TRARG1: variants seen among roughly 807,000 people sequenced by gnomAD.
TRARG1 encodes trafficking regulator of GLUT4 1.
Under a neutral mutation model 13.3 loss-of-function variants are expected in TRARG1, and 16 were observed. That is an observed-to-expected ratio of 1.20 (90% CI 0.81 to 1.83). The LOEUF (loss-of-function observed/expected upper bound fraction) is 1.83. Among genes scored for constraint, TRARG1 ranks in the 40% most tolerant of loss-of-function variants. The pLI is 0.00. For missense variants in TRARG1, 250 were observed against 237.4 expected (o/e 1.05, Z -0.35); for synonymous variants, 113 against 106.2 (o/e 1.06, Z -0.39).
At chr17:1,286,511 T>A (rs2072023966) in intron 1 of TRARG1, among the ~76,000 whole-genome samples, 2 of 141,360 alleles carry the variant, frequency 1.4e-5, no homozygotes, top group Admixed American at 7.1e-5. Context: ...GCCTGTGGGG[T>A]GTTATCGGCC....
Position 1,280,177 on chromosome 17 carries a change from G to C in TRARG1, c.176G>C (p.Gly59Ala). 6.2e-7 allele frequency: 1 copy of C among 1,614,024 alleles called. No individual in the cohort carries two copies. The highest frequency in any genetic ancestry group is 8.5e-7 in the Non-Finnish European group (1 of 1,179,984). ...GPLDLEQNSQ[G>A]LPFKAISEGH... is the part of the protein sequence containing the mutation. ...CTGGATCTGGAGCAGAACAGCCAGG[G>C]CCTACCCTTCAAGGCCATCTCCGAG... The change falls in exon 1 of 3, where the codon GGC becomes GCC. Residue 59 changes from glycine (G) to alanine (A), a missense_variant. Coordinates refer to ENST00000333813, the MANE Select transcript of TRARG1 (RefSeq NM_172367.3).
At chr17:1,290,083 CT>C (rs571271845) in intron 1 of TRARG1, among the ~76,000 whole-genome samples, 57 of 152,356 alleles carry the variant, frequency 3.7e-4, no homozygotes, top group African/African-American at 1.3e-3. Context: ...TGGATTCTAT[CT>C]TCAGAACTTC....
At chr17:1,288,443 CCATCCCCCACGGGTTCCT>C (rs1278563146) in intron 1 of TRARG1, among the ~76,000 whole-genome samples, 3 of 115,030 alleles carry the variant, frequency 2.6e-5, no homozygotes, top group East Asian at 3.1e-4. Flanking sequence ...ACTGGGTTCC[CCATCCCCCACGGGTTCCT>C]CATCCCCCAC....
rs190057033 is a variant in TRARG1, at chr17:1,284,705, G to A, written c.387+4317G>A. Among the ~76,000 whole-genome samples the A allele has an allele frequency of 8.2e-3, 1,220 of 147,902 alleles. 5 individuals are homozygous for A. The highest frequency in any genetic ancestry group is 0.06 in the Middle Eastern group (17 of 284). On this transcript the variant is annotated intron_variant, in intron 1 of 2. Coordinates refer to ENST00000333813, the MANE Select transcript of TRARG1 (RefSeq NM_172367.3). The stretch of plus-strand genomic sequence containing the variant: ...TATTTATTTATTTATTTTTGAGATG[G>A]AGTCTTGCTCTGTCGCCCAGGCTGG...
At position 1,300,495 on chromosome 17, in the gene TRARG1, A is replaced by T. The variant is rs1384465292; in HGVS notation, c.*2231A>T. On this transcript the variant is annotated 3_prime_UTR_variant, in exon 3 of 3. Transcript: ENST00000333813. ...ACACGCTTGTTCACACTCAGAACCC[A>T]GGACAGCCACAGCCACCGCTTAGGG... is the stretch of plus-strand genomic sequence containing the variant. 1 of 152,832 alleles carries T rather than the reference A, an allele frequency of 6.5e-6. No homozygotes were observed. Among genetic ancestry groups the T allele is most frequent in the Non-Finnish European group, 1.5e-5 (1 of 68,666 alleles). 9.5% of individuals were successfully genotyped at this position (152,832 alleles called of 1,614,324 possible).
In TRARG1 at chr17:1,300,593, TGA is replaced by T. The variant is rs1373594921; in HGVS notation, c.*2333_*2334del. On this transcript the variant is annotated 3_prime_UTR_variant, in exon 3 of 3. Transcript: ENST00000333813. ...CTCTTCCAGGCAGGCGAGGATAACTTGAGAGTTTCCTAGGGCACCAGGGACAG... is the reference window on the plus strand; with the variant it reads ...CTCTTCCAGGCAGGCGAGGATAACTTGAGTTTCCTAGGGCACCAGGGACAG... 1.3e-5 allele frequency: 2 copies of T among 152,588 alleles called. No homozygotes were observed. The highest frequency in any genetic ancestry group is 3.8e-4 in the East Asian group (2 of 5,208). The allele number at this position is 152,588 out of a possible 1,614,324, so 9.5% of individuals were successfully genotyped here. A position where few individuals can be genotyped will look rare whatever the true frequency, so the allele number is the denominator to read the frequency against.
intron 1 of TRARG1, among the ~76,000 whole-genome samples, chr17:1,290,551 C>T (rs1481495510): frequency 2.6e-5 from 4 of 152,152 alleles, no homozygotes; most frequent in Admixed American, 1.3e-4. Flanking sequence ...CCACCTTGGC[C>T]TCCCAAAGTG....
At chr17:1,285,813 G>C (rs1336133107) in intron 1 of TRARG1, among the ~76,000 whole-genome samples, 10 of 152,022 alleles carry the variant, frequency 6.6e-5, no homozygotes, top group African/African-American at 1.7e-4. Context: ...TAACATCTAG[G>C]GGGAGGGCCG....
rs944845231 is a variant in TRARG1, at chr17:1,298,425, G to GC, written c.*166dup. The GC allele has an allele frequency of 4.2e-6, 3 of 706,052 alleles. No individual in the cohort carries two copies. The highest frequency in any genetic ancestry group is 1.8e-5 in the African/African-American group (1 of 55,610). 43.7% of individuals were successfully genotyped at this position (706,052 alleles called of 1,614,324 possible). On this transcript the variant is annotated 3_prime_UTR_variant, in exon 3 of 3. Coordinates refer to ENST00000333813, the MANE Select transcript of TRARG1 (RefSeq NM_172367.3). ...GAAACCCCCCAGTCACCCACTGTCA[G>GC]CCCCCATCTGACAAGAAAGCCTGGA...
At chr17:1,289,550 G>A (rs995326467) in intron 1 of TRARG1, among the ~76,000 whole-genome samples, 2 of 150,212 alleles carry the variant, frequency 1.3e-5, no homozygotes, top group East Asian at 2.0e-4. Flanking sequence ...TGCCGGACAC[G>A]GCACTGTCAG....
intron 1 of TRARG1, among the ~76,000 whole-genome samples, chr17:1,294,463 A>G (rs2072096076): frequency 3.1e-5 from 3 of 95,602 alleles, no homozygotes; most frequent in African/African-American, 4.5e-5. Flanking sequence ...CTGTGAAGAC[A>G]GTGTCTTTTT....
intron 1 of TRARG1, among the ~76,000 whole-genome samples, chr17:1,288,170 C>T (rs1267759473): frequency 6.6e-6 from 1 of 151,946 alleles, no homozygotes; most frequent in Admixed American, 6.5e-5. Context: ...CTGCCATCAC[C>T]TATTCGCTTC....
intron 2 of TRARG1, 130 bp from the exon 3 acceptor site, chr17:1,298,121 C>A (rs1304390866): frequency 3.6e-6 from 4 of 1,095,910 alleles, no homozygotes; most frequent in Non-Finnish European, 5.3e-6. Context: ...GGTTCCCAAG[C>A]CTTAGCCTTC....
In TRARG1 at chr17:1,282,243, CACGTATATGT is replaced by C. The variant is rs201317242; in HGVS notation, c.387+1868_387+1877del. 6.9e-3 allele frequency among the ~76,000 whole-genome samples: 643 copies of C among 93,144 alleles called. 13 individuals carry two copies. The highest frequency in any genetic ancestry group is 0.019 in the Admixed American group (175 of 9,276). 61.1% of individuals were successfully genotyped at this position (93,144 alleles called of 152,430 possible). ...ACACGTGCGTATATGTACGTATATG[CACGTATATGT>C]ACGTATATGTACATATATGCACGTA... On this transcript the variant is annotated intron_variant, in intron 1 of 2. Coordinates refer to ENST00000333813, the MANE Select transcript of TRARG1 (RefSeq NM_172367.3).
chr17:1,299,276 A>T lies in TRARG1; in HGVS notation c.*1012A>T, dbSNP rs1368260734. On this transcript the variant is annotated 3_prime_UTR_variant, in exon 3 of 3. Coordinates refer to ENST00000333813, the MANE Select transcript of TRARG1 (RefSeq NM_172367.3). ...CACAAACAGCAGAGGCCTTCCCTGG[A>T]GGAGGCTTTGGGACCACCCCTGGGG... 2 of 152,284 alleles carry T rather than the reference A, an allele frequency of 1.3e-5. No homozygotes were observed. The highest frequency in any genetic ancestry group is 2.9e-5 in the Non-Finnish European group (2 of 68,144). 9.4% of individuals were successfully genotyped at this position (152,284 alleles called of 1,614,324 possible).
chr17:1,293,996 C>T (rs961032105), intron 1 of TRARG1, among the ~76,000 whole-genome samples: 1 of 152,196 alleles, frequency 6.6e-6, no homozygotes, highest in Admixed American at 6.5e-5. Flanking sequence ...GTAAAATCAT[C>T]ATCATCGTCT....
At position 1,300,373 on chromosome 17, in the gene TRARG1, A is replaced by C. The variant is rs558185860; in HGVS notation, c.*2109A>C. ...CGGGAGGAACATGACACCCGAAGGG[A>C]CTCTAGGTGCCCTCGGAGTGCCACA... On this transcript the variant is annotated 3_prime_UTR_variant, in exon 3 of 3. Transcript: ENST00000333813. 5 of 151,834 alleles carry C rather than the reference A, an allele frequency of 3.3e-5. No homozygotes were observed. Among genetic ancestry groups the C allele is most frequent in the Admixed American group, 3.3e-4 (5 of 15,228 alleles). 9.4% of individuals were successfully genotyped at this position (151,834 alleles called of 1,614,324 possible). A position where few individuals can be genotyped will look rare whatever the true frequency, so the allele number is the denominator to read the frequency against.
At chr17:1,295,455 C>T in intron 1 of TRARG1, 36 bp from the exon 2 acceptor site, 2 of 1,557,120 alleles carry the variant, frequency 1.3e-6, no homozygotes, top group Non-Finnish European at 1.7e-6. Flanking sequence ...CCACAGCCTT[C>T]CCGGTTCCCG....
intron 1 of TRARG1, among the ~76,000 whole-genome samples, chr17:1,281,038 G>T (rs533098350): frequency 6.6e-6 from 1 of 152,190 alleles, no homozygotes; most frequent in Non-Finnish European, 1.5e-5. Flanking sequence ...GGCAGGGGAG[G>T]TCTGGGTCAC....
Sources: gnomAD v4.1 joint callset for allele counts (sites outside exome capture counted in the v4.1 genomes callset) on GRCh38, gnomAD v4.1.1 for gene constraint, MANE v1.5 for transcripts, NCBI Gene and HGNC (gene_info 2026-07-23, HGNC 2026-07-21) for gene names.